The following PTAR1 variants were observed in gnomAD, a reference collection of about 807,000 sequenced individuals.
The protein encoded by PTAR1 is protein prenyltransferase alpha subunit repeat containing 1.
In PTAR1, 17 loss-of-function variants were observed where a neutral mutation model predicts 45.5. The observed-to-expected ratio is 0.37, with a 90% CI of 0.26 to 0.56. The LOEUF (loss-of-function observed/expected upper bound fraction) is 0.56, where lower values mean the gene tolerates loss of function less well. PTAR1 is among the 20% of genes least tolerant of loss of function. The pLI is 0.77. For synonymous variants in PTAR1, 169 were observed against 171.3 expected (o/e 0.99, Z 0.11); for missense variants, 391 against 476.3 (o/e 0.82, Z 1.67).
chr9:69,734,123 G>T, intron 4 of PTAR1, 27 bp downstream of exon 4: 1 of 1,178,936 alleles, frequency 8.5e-7, no homozygotes, highest in African/African-American at 1.5e-5. Flanking sequence ...TCCTAAGTAA[G>T]AGTACTATGT....
At chr9:69,726,325 T>C (rs1825276851) in intron 5 of PTAR1, among the ~76,000 whole-genome samples, 1 of 152,160 alleles carries the variant, frequency 6.6e-6, no homozygotes, top group South Asian at 2.1e-4. Context: ...CAATTATAAA[T>C]ACATTCCTAT....
chr9:69,740,734 T>G (rs1046860705), intron 3 of PTAR1, among the ~76,000 whole-genome samples: 4 of 151,784 alleles, frequency 2.6e-5, no homozygotes, highest in African/African-American at 9.7e-5. Flanking sequence ...CCTAAAAGTC[T>G]CCTTTGCTGA....
rs398010830 is a variant in PTAR1, at chr9:69,734,258, TAAAA to T, written c.324-8_324-5del. 5.9e-3 allele frequency: 1,213 copies of T among 206,206 alleles called. No homozygotes were observed. Among genetic ancestry groups the T allele is most frequent in the Middle Eastern group, 0.016 (10 of 640 alleles). The allele number at this position is 206,206 out of a possible 1,614,324, so 12.8% of individuals were successfully genotyped here. ...GCCAGAGAGGATCAGCTCTTTCCTG[TAAAA>T]AAAAAAAAAAAAAAAAAAAAAAATT... On this transcript the variant is annotated splice_polypyrimidine_tract_variant and splice_region_variant and intron_variant, in intron 3 of 7. Transcript: ENST00000340434.
In PTAR1 at chr9:69,716,233, TTC is replaced by T. The variant is rs961510395; in HGVS notation, c.*2107_*2108del. The T allele has an allele frequency of 2.0e-5, 3 of 152,124 alleles. No homozygotes were observed. Among genetic ancestry groups the T allele is most frequent in the African/African-American group, 7.2e-5 (3 of 41,432 alleles). 9.4% of individuals were successfully genotyped at this position (152,124 alleles called of 1,614,324 possible). ...TGGAATGGGCTGAACCACCCATGTC[TTC>T]TCTGTGTAGTTTGCCCCCAAACACT... On this transcript the variant is annotated 3_prime_UTR_variant, in exon 8 of 8. Coordinates refer to ENST00000340434, the MANE Select transcript of PTAR1 (RefSeq NM_001099666.2).
At chr9:69,736,732 A>G (rs571127169) in intron 3 of PTAR1, among the ~76,000 whole-genome samples, 89 of 152,290 alleles carry the variant, frequency 5.8e-4, no homozygotes, top group African/African-American at 1.8e-3. Flanking sequence ...CTGAGTTTTG[A>G]CAAAGTTTCT....
chr9:69,744,915 G>T (rs1826210510), intron 2 of PTAR1, among the ~76,000 whole-genome samples: 1 of 152,150 alleles, frequency 6.6e-6, no homozygotes, highest in Admixed American at 6.5e-5. Context: ...ACAGAGGAGT[G>T]GTAAGAGGAT....
chr9:69,738,092 C>T (rs1203143066), intron 3 of PTAR1, among the ~76,000 whole-genome samples: 1 of 152,164 alleles, frequency 6.6e-6, no homozygotes, highest in Admixed American at 6.5e-5. Context: ...AGTTATGTCT[C>T]CTTATGCTCC....
intron 2 of PTAR1, among the ~76,000 whole-genome samples, chr9:69,745,442 T>C (rs1826234272): frequency 6.6e-6 from 1 of 152,218 alleles, no homozygotes; most frequent in Admixed American, 6.5e-5. Flanking sequence ...AGCTGCTATT[T>C]GTTTGTACTT....
rs929764193 is a variant in PTAR1, at chr9:69,710,911, G to A, written c.*7431C>T. On this transcript the variant is annotated 3_prime_UTR_variant, in exon 8 of 8. Transcript: ENST00000340434. ...CAGCTTACTTATATCTTCAAGCAAT[G>A]TAAAATTAACAGGCATGGTTAATTT... The A allele has an allele frequency of 6.6e-6, 1 of 152,080 alleles. No individual in the cohort carries two copies. Among genetic ancestry groups the A allele is most frequent in the African/African-American group, 2.4e-5 (1 of 41,418 alleles). 9.4% of individuals were successfully genotyped at this position (152,080 alleles called of 1,614,324 possible).
At chr9:69,752,907 T>C (rs1343425583) in intron 1 of PTAR1, among the ~76,000 whole-genome samples, 1 of 152,120 alleles carries the variant, frequency 6.6e-6, no homozygotes, top group African/African-American at 2.4e-5. Context: ...AATATATGAC[T>C]GAATCTCTGG....
At chr9:69,742,597 A>G (rs1474654995) in intron 2 of PTAR1, among the ~76,000 whole-genome samples, 2 of 152,082 alleles carry the variant, frequency 1.3e-5, no homozygotes, top group Non-Finnish European at 1.5e-5. Flanking sequence ...CCTGAAGCAG[A>G]ACTACTATGT....
intron 5 of PTAR1, among the ~76,000 whole-genome samples, chr9:69,730,235 G>A (rs561564512): frequency 6.6e-6 from 1 of 152,108 alleles, no homozygotes; most frequent in South Asian, 2.1e-4. Flanking sequence ...GAAGGATGAT[G>A]ACATCTGAAC....
At chr9:69,739,114 C>CA (rs1450306392) in intron 3 of PTAR1, among the ~76,000 whole-genome samples, 1 of 152,120 alleles carries the variant, frequency 6.6e-6, no homozygotes, top group African/African-American at 2.4e-5. Context: ...CCAAATACCT[C>CA]AATTTTACAG....
chr9:69,759,720 C>G, intron 1 of PTAR1, 133 bp downstream of exon 1: 1 of 857,326 alleles, frequency 1.2e-6, no homozygotes, highest in Non-Finnish European at 1.7e-6. Context: ...CCCGACACGG[C>G]TCTGCCTCCT....
At chr9:69,753,973 G>T (rs1826646839) in intron 1 of PTAR1, among the ~76,000 whole-genome samples, 1 of 152,146 alleles carries the variant, frequency 6.6e-6, no homozygotes, top group South Asian at 2.1e-4. Flanking sequence ...AGAGTTCATT[G>T]GTTAATAATG....
At chr9:69,733,507 C>T (rs186080569) in intron 4 of PTAR1, among the ~76,000 whole-genome samples, 133 of 152,244 alleles carry the variant, frequency 8.7e-4, no homozygotes, top group Admixed American at 2.7e-3. Flanking sequence ...AGTAGTTACA[C>T]AGGGTCCAAG....
intron 5 of PTAR1, among the ~76,000 whole-genome samples, chr9:69,726,990 TGAA>T (rs1318374205): frequency 6.6e-6 from 1 of 150,444 alleles, no homozygotes; most frequent in Non-Finnish European, 1.5e-5. Context: ...TCAGGTCTAT[TGAA>T]GAAGTATAAA....
Position 69,759,999 on chromosome 9 carries a change from T to G in PTAR1, c.-61A>C, listed in dbSNP as rs568829894. On this transcript the variant is annotated 5_prime_UTR_variant, in exon 1 of 8. Transcript: ENST00000340434. ...GCGTGAGCCGGGCCGCCGGCGGGAGTTCCGCGGAGAACGAGCGCGCGCGCG... is the reference window on the plus strand; with the variant it reads ...GCGTGAGCCGGGCCGCCGGCGGGAGGTCCGCGGAGAACGAGCGCGCGCGCG... 7 of 1,343,880 alleles carry G rather than the reference T, an allele frequency of 5.2e-6. No homozygotes were observed. Among genetic ancestry groups the G allele is most frequent in the Admixed American group, 6.8e-5 (2 of 29,266 alleles). 83.2% of individuals were successfully genotyped at this position (1,343,880 alleles called of 1,614,324 possible). A position where few individuals can be genotyped will look rare whatever the true frequency, so the allele number is the denominator to read the frequency against.
At chr9:69,720,827 G>A (rs934981642) in intron 6 of PTAR1, among the ~76,000 whole-genome samples, 1 of 152,094 alleles carries the variant, frequency 6.6e-6, no homozygotes, top group Non-Finnish European at 1.5e-5. Context: ...TTTAAAGAAT[G>A]GTTAACTGAA....
Sources: gnomAD v4.1 joint callset for allele counts (sites outside exome capture counted in the v4.1 genomes callset) on GRCh38, gnomAD v4.1.1 for gene constraint, MANE v1.5 for transcripts, NCBI Gene and HGNC (gene_info 2026-07-23, HGNC 2026-07-21) for gene names.